The following SLC1A2 variants were observed in gnomAD, a reference collection of about 807,000 sequenced individuals.
SLC1A2 encodes solute carrier family 1 member 2.
Under a neutral mutation model 48.8 loss-of-function variants are expected in SLC1A2, and 15 were observed. That is an observed-to-expected ratio of 0.31 (90% CI 0.21 to 0.47). The LOEUF is 0.47. SLC1A2 is among the 20% of genes least tolerant of loss of function. SLC1A2 has a pLI of 0.99. For missense variants in SLC1A2, 502 were observed against 730.5 expected (o/e 0.69, Z 3.61); for synonymous variants, 279 against 272.6 (o/e 1.02, Z -0.23).
intron 1 of SLC1A2, among the ~76,000 whole-genome samples, chr11:35,378,362 C>T (rs1267370301): frequency 6.6e-6 from 1 of 152,246 alleles, no homozygotes; most frequent in Non-Finnish European, 1.5e-5. Context: ...GCAGTATTAG[C>T]TTGTGGCTGC....
At chr11:35,396,733 T>C (rs936255209) in intron 1 of SLC1A2, among the ~76,000 whole-genome samples, 5 of 152,356 alleles carry the variant, frequency 3.3e-5, no homozygotes, top group African/African-American at 9.6e-5. Context: ...TTTGGTGTTT[T>C]GGACATGAAG....
intron 10 of SLC1A2, among the ~76,000 whole-genome samples, chr11:35,262,636 T>G (rs1250176824): frequency 6.6e-6 from 1 of 152,190 alleles, no homozygotes; most frequent in Non-Finnish European, 1.5e-5. Context: ...GGGTGTAAAT[T>G]TATCTCCATG....
chr11:35,265,491 T>C (rs932049229), intron 10 of SLC1A2, 36 bp downstream of exon 10: 5 of 1,057,512 alleles, frequency 4.7e-6, no homozygotes, highest in Non-Finnish European at 5.9e-6. Flanking sequence ...TGCACTACTA[T>C]ATACAAGTCT....
chr11:35,292,060 G>C (rs1336453753), intron 7 of SLC1A2: 1 of 506,916 alleles, frequency 2.0e-6, no homozygotes, highest in Non-Finnish European at 3.5e-6. Context: ...TTTAATGTGA[G>C]ATCGTATTTC....
intron 1 of SLC1A2, among the ~76,000 whole-genome samples, chr11:35,407,540 C>T (rs1365757720): frequency 6.6e-6 from 1 of 152,172 alleles, no homozygotes; most frequent in African/African-American, 2.4e-5. Flanking sequence ...TCTTGACTAC[C>T]ATTTATGGAA....
chr11:35,311,439 C>T (rs1851685436), intron 4 of SLC1A2, among the ~76,000 whole-genome samples: 1 of 152,184 alleles, frequency 6.6e-6, no homozygotes, highest in South Asian at 2.1e-4. Flanking sequence ...GGATTATAGG[C>T]ATGAGCCACC....
At chr11:35,374,553 C>T (rs1854160655) in intron 1 of SLC1A2, 1 of 200,704 alleles carries the variant, frequency 5.0e-6, no homozygotes, top group Non-Finnish European at 1.0e-5. Flanking sequence ...ATAAAATACA[C>T]TAACACTAAT....
At chr11:35,313,129 C>T (rs1851758672) in intron 3 of SLC1A2, among the ~76,000 whole-genome samples, 1 of 152,158 alleles carries the variant, frequency 6.6e-6, no homozygotes, top group African/African-American at 2.4e-5. Context: ...AGCGATGCTG[C>T]TGGTACATGC....
At chr11:35,303,535 C>T (rs1395101167) in intron 5 of SLC1A2, among the ~76,000 whole-genome samples, 1 of 152,168 alleles carries the variant, frequency 6.6e-6, no homozygotes, top group Non-Finnish European at 1.5e-5. Context: ...GGAGAGGAGT[C>T]TGCTACGTGG....
intron 1 of SLC1A2, among the ~76,000 whole-genome samples, chr11:35,365,871 T>C (rs11033096): frequency 0.23 from 34,651 of 152,062 alleles, 4,701 homozygotes; most frequent in African/African-American, 0.38. Context: ...ACTTTTCCCC[T>C]AGGAACACGT....
intron 1 of SLC1A2, among the ~76,000 whole-genome samples, chr11:35,404,125 G>A (rs924002183): frequency 4.0e-5 from 4 of 99,192 alleles, no homozygotes; most frequent in Non-Finnish European, 9.2e-5. Context: ...AAGTCATTTT[G>A]AAAAGAAATA....
chr11:35,389,632 G>C (rs1222944222), intron 1 of SLC1A2, among the ~76,000 whole-genome samples: 1 of 151,926 alleles, frequency 6.6e-6, no homozygotes, highest in African/African-American at 2.4e-5. Flanking sequence ...CACTATGTCT[G>C]GCTAATTTTT....
chr11:35,306,975 T>C (rs1851531138), intron 4 of SLC1A2: 1 of 152,248 alleles, frequency 6.6e-6, no homozygotes, highest in African/African-American at 2.4e-5. Context: ...TTCACTCCTA[T>C]GATTGTAGCT....
Position 35,292,097 on chromosome 11 carries a change from G to T in SLC1A2, c.1091+190C>A, listed in dbSNP as rs115268137. On this transcript the variant is annotated intron_variant, in intron 7 of 10. Transcript: ENST00000278379. ...AATATAGTTGCAAACCAGCAAAAAT[G>T]TTCACCAGAAGGCTCAGAAGTTCCT... 6.2e-4 allele frequency: 361 copies of T among 583,506 alleles called. 1 individual carries two copies. Among genetic ancestry groups the T allele is most frequent in the African/African-American group, 6.0e-3 (325 of 53,936 alleles). The allele number at this position is 583,506 out of a possible 1,614,324, so 36.1% of individuals were successfully genotyped here.
At chr11:35,302,675 A>G (rs757107722) in intron 5 of SLC1A2, among the ~76,000 whole-genome samples, 3 of 151,954 alleles carry the variant, frequency 2.0e-5, no homozygotes, top group Non-Finnish European at 2.9e-5. Context: ...CTCCAAGGCT[A>G]GGCCTGGCTT....
chr11:35,337,274 A>G (rs1009581313), intron 1 of SLC1A2, among the ~76,000 whole-genome samples: 2 of 152,120 alleles, frequency 1.3e-5, no homozygotes, highest in Non-Finnish European at 2.9e-5. Context: ...CAAACAGAAG[A>G]CTAGCTGTTT....
At chr11:35,304,811 A>G (rs1269132411) in intron 5 of SLC1A2, among the ~76,000 whole-genome samples, 1 of 152,000 alleles carries the variant, frequency 6.6e-6, no homozygotes, top group Non-Finnish European at 1.5e-5. Context: ...AAAAATGAAT[A>G]CTTTTTTTTT....
intron 9 of SLC1A2, among the ~76,000 whole-genome samples, chr11:35,275,493 T>C (rs1253144087): frequency 1.3e-5 from 2 of 152,224 alleles, no homozygotes; most frequent in Non-Finnish European, 2.9e-5. Flanking sequence ...AAGGGCTTCC[T>C]GGACCCAGGG....
chr11:35,255,580 G>A lies in SLC1A2; in HGVS notation c.*5314C>T, dbSNP rs1399257674. On this transcript the variant is annotated 3_prime_UTR_variant, in exon 11 of 11. Coordinates refer to ENST00000278379, the MANE Select transcript of SLC1A2 (RefSeq NM_004171.4). ...AGAGTGATCAAGGTTATTCACCAAA[G>A]GCTCTCAAATTCCCATACTGGGTGG... The A allele has an allele frequency of 6.6e-6, 1 of 152,190 alleles. No homozygotes were observed. Among genetic ancestry groups the A allele is most frequent in the Non-Finnish European group, 1.5e-5 (1 of 68,036 alleles). The allele number at this position is 152,190 out of a possible 1,614,324, so 9.4% of individuals were successfully genotyped here. A position where few individuals can be genotyped will look rare whatever the true frequency, so the allele number is the denominator to read the frequency against.
Sources: allele counts gnomAD v4.1 joint callset (sites outside exome capture counted in the v4.1 genomes callset), GRCh38; gene constraint gnomAD v4.1.1; transcripts MANE v1.5; gene names NCBI Gene and HGNC (gene_info 2026-07-23, HGNC 2026-07-21).